STK32B: variants seen among roughly 807,000 people sequenced by gnomAD.
STK32B encodes serine/threonine-protein kinase 32B.
Under a neutral mutation model 52.6 loss-of-function variants are expected in STK32B, and 43 were observed. That is an observed-to-expected ratio of 0.82 (90% CI 0.64 to 1.05). The LOEUF is 1.05. STK32B is among the 50% of genes least tolerant of loss of function. The pLI, the probability that STK32B is intolerant of heterozygous loss-of-function variation, is 0.00. For missense variants in STK32B, 621 were observed against 534.6 expected, an observed-to-expected ratio of 1.16 and a Z score of -1.59; for synonymous variants, 238 against 204.3, an observed-to-expected ratio of 1.17 and a Z score of -1.41.
rs367637630 is a variant in STK32B at position 5,489,594 on chromosome 4, TAAC to T, written c.1107-9345_1107-9343del. ...GAAGACATTTTAAATTTTATTTCAT[TAAC>T]AACAATTTTATTTTATTTTATTTAT... On this transcript the variant is annotated intron_variant, in intron 11 of 11. Transcript: ENST00000282908. 6.6e-4 allele frequency among the ~76,000 whole-genome samples: 100 copies of T among 152,242 alleles called. 1 individual carries two copies. Among genetic ancestry groups the T allele is most frequent in the South Asian group, 6.0e-3 (29 of 4,824 alleles).
intron 1 of STK32B, among the ~76,000 whole-genome samples, chr4:5,087,983 C>A (rs1009377376): frequency 6.6e-5 from 10 of 152,012 alleles, no homozygotes; most frequent in Non-Finnish European, 1.5e-4. Context: ...CTAACAACAG[C>A]AAAATGCACA....
intron 4 of STK32B, among the ~76,000 whole-genome samples, chr4:5,358,700 T>TGCAC: frequency 8.9e-6 from 1 of 112,778 alleles, no homozygotes; most frequent in East Asian, 2.2e-4. Context: ...TTCACACACA[T>TGCAC]GCACACACAC....
chr4:5,370,693 T>TA (rs1010473089), intron 4 of STK32B, among the ~76,000 whole-genome samples: 1 of 151,992 alleles, frequency 6.6e-6, no homozygotes, highest in Non-Finnish European at 1.5e-5. Context: ...AAAAATTGTT[T>TA]AAAAAAATTA....
intron 3 of STK32B, among the ~76,000 whole-genome samples, chr4:5,211,650 G>T (rs977211094): frequency 5.9e-5 from 9 of 152,158 alleles, no homozygotes; most frequent in Non-Finnish European, 1.2e-4. Flanking sequence ...CTCCCTGCCA[G>T]CCTTCTCTCT....
rs1218821762 is a variant in STK32B at position 5,159,581 on chromosome 4, A to G, written c.109-8718A>G. Among the ~76,000 whole-genome samples the G allele has an allele frequency of 2.4e-5, 3 of 124,148 alleles. No individual in the cohort carries two copies. The East Asian group carries it at 6.8e-4, about 28-fold the overall frequency. The allele number at this position is 124,148 out of a possible 152,430, so 81.4% of individuals were successfully genotyped here. On this transcript the variant is annotated intron_variant, in intron 2 of 11. Transcript: ENST00000282908. ...TATATGAATGAATATATATGAATAT[A>G]TATATGAATATATATGAATATATAT... is the stretch of plus-strand genomic sequence containing the variant.
At chr4:5,209,379 G>A (rs1389532126) in intron 3 of STK32B, among the ~76,000 whole-genome samples, 1 of 150,496 alleles carries the variant, frequency 6.6e-6, no homozygotes, top group Non-Finnish European at 1.5e-5. Context: ...GTGCCACCAT[G>A]CCTGGCTAAT....
At chr4:5,315,437 GTATT>G (rs967951928) in intron 3 of STK32B, among the ~76,000 whole-genome samples, 106 of 121,736 alleles carry the variant, frequency 8.7e-4, no homozygotes, top group African/African-American at 5.9e-3. Context: ...CACTTACTGA[GTATT>G]TATATGTCAA....
intron 4 of STK32B, among the ~76,000 whole-genome samples, chr4:5,334,754 G>A (rs1224934538): frequency 1.3e-5 from 2 of 151,454 alleles, no homozygotes; most frequent in African/African-American, 2.4e-5. Context: ...TTTGTCTTTG[G>A]TTCTGTTTAT....
the STK32B span, among the ~76,000 whole-genome samples, chr4:5,033,334 C>T: frequency 4.6e-5 from 7 of 152,182 alleles, no homozygotes; most frequent in African/African-American, 1.4e-4. Context: ...CTGCTTCTCC[C>T]TCCAGGTTCC....
intron 3 of STK32B, among the ~76,000 whole-genome samples, chr4:5,288,313 A>G (rs1728677498): frequency 6.6e-6 from 1 of 152,164 alleles, no homozygotes; most frequent in Admixed American, 6.5e-5. Context: ...GAATTGCCAG[A>G]CTTTTCTGAC....
At chr4:5,168,219 T>C in intron 2 of STK32B, 80 bp from the exon 3 acceptor site, 2 of 1,513,422 alleles carry the variant, frequency 1.3e-6, no homozygotes, top group Non-Finnish European at 1.8e-6. Flanking sequence ...GAAGTAAAAA[T>C]GCAGTGCGGG....
chr4:5,450,861 C>T (rs1015133778), intron 7 of STK32B, among the ~76,000 whole-genome samples: 14 of 152,140 alleles, frequency 9.2e-5, no homozygotes, highest in African/African-American at 3.4e-4. Context: ...CATCTTCAAG[C>T]ACTAGAGGCA....
chr4:5,410,750 A>G (rs1042073104), intron 5 of STK32B, among the ~76,000 whole-genome samples: 2 of 152,222 alleles, frequency 1.3e-5, no homozygotes, highest in Non-Finnish European at 2.9e-5. Flanking sequence ...TGATATCCCT[A>G]CAAACAATAA....
intron 3 of STK32B, among the ~76,000 whole-genome samples, chr4:5,255,430 T>C (rs78556072): frequency 0.045 from 6,909 of 152,270 alleles, 410 homozygotes; most frequent in African/African-American, 0.13. Context: ...TTAAATTTAT[T>C]TTTTATTTAG....
chr4:5,402,148 G>C (rs1048014129), intron 5 of STK32B, among the ~76,000 whole-genome samples: 1 of 152,256 alleles, frequency 6.6e-6, no homozygotes, highest in Admixed American at 6.5e-5. Flanking sequence ...ACCAATGCAG[G>C]AGACAAAGCG....
intron 1 of STK32B, among the ~76,000 whole-genome samples, chr4:5,092,378 A>G (rs548430742): frequency 6.6e-6 from 1 of 152,216 alleles, no homozygotes; most frequent in African/African-American, 2.4e-5. Context: ...CTAAAAATAC[A>G]AGAACTAGCC....
chr4:5,318,570 T>G (rs781578321), intron 3 of STK32B, among the ~76,000 whole-genome samples: 2 of 152,084 alleles, frequency 1.3e-5, no homozygotes, highest in Non-Finnish European at 2.9e-5. Flanking sequence ...ATTCCAGATA[T>G]ATTGGGACAT....
chr4:5,473,528 C>T (rs1013524173), intron 11 of STK32B, among the ~76,000 whole-genome samples: 1 of 152,180 alleles, frequency 6.6e-6, no homozygotes, highest in Non-Finnish European at 1.5e-5. Context: ...GGGCACACAG[C>T]CAAGAGGTGG....
At chr4:5,234,505 G>A (rs1481105513) in intron 3 of STK32B, among the ~76,000 whole-genome samples, 2 of 74,098 alleles carry the variant, frequency 2.7e-5, no homozygotes, top group East Asian at 3.0e-4. Context: ...CACATAGAAA[G>A]GGCTCAATAA....
Sources: allele counts gnomAD v4.1 joint callset (sites outside exome capture counted in the v4.1 genomes callset), GRCh38; gene constraint gnomAD v4.1.1; transcripts MANE v1.5; gene names NCBI Gene and HGNC (gene_info 2026-07-23, HGNC 2026-07-21).